Variants in CARHSP1 observed in about 807,000 individuals in gnomAD.
CARHSP1 encodes the protein calcium-regulated heat-stable protein 1.
A neutral mutation model predicts 12.5 loss-of-function variants in CARHSP1; 14 were observed. That is an observed-to-expected ratio of 1.12 (90% CI 0.74 to 1.75). CARHSP1 has a LOEUF of 1.75. Among genes scored for constraint, CARHSP1 ranks in the 40% most tolerant of loss-of-function variants. The pLI is 0.00. For missense variants in CARHSP1, 343 were observed against 201.6 expected (o/e 1.70, Z -4.25); for synonymous variants, 161 against 82.0 (o/e 1.96, Z -5.20).
chr16:8,862,006 T>TTTTTTTTTG (rs1278190768), intron 1 of CARHSP1, among the ~76,000 whole-genome samples: 5 of 142,186 alleles, frequency 3.5e-5, no homozygotes, highest in Non-Finnish European at 7.7e-5. Flanking sequence ...TTTTTTTTTT[T>TTTTTTTTTG]TTTTTTTTTT....
intron 1 of CARHSP1, among the ~76,000 whole-genome samples, chr16:8,866,271 C>T (rs577948481): frequency 2.2e-4 from 33 of 152,320 alleles, no homozygotes; most frequent in African/African-American, 7.2e-4. Flanking sequence ...TTCTAAGGCG[C>T]TCCCAGTGAG....
In CARHSP1 at chr16:8,858,482, A is replaced by G. The variant is rs202178030; in HGVS notation, c.159-10T>C. 2.7e-3 allele frequency: 4,349 copies of G among 1,612,882 alleles called. 9 individuals are homozygous for G. Among genetic ancestry groups the G allele is most frequent in the Non-Finnish European group, 3.5e-3 (4,083 of 1,179,820 alleles). Reference sequence around the variant, plus strand: ...TGAAGCCCGCACCGTCCTGACAGAGAGGGGGAAATGTCAGGGGCCCCATCA... The same window carrying G: ...TGAAGCCCGCACCGTCCTGACAGAGGGGGGGAAATGTCAGGGGCCCCATCA... On this transcript the variant is annotated splice_polypyrimidine_tract_variant and intron_variant, in intron 2 of 3. Transcript: ENST00000311052.
At chr16:8,855,435 GACCA>G in intron 3 of CARHSP1, 109 bp from the exon 4 acceptor site, 2 of 982,220 alleles carry the variant, frequency 2.0e-6, no homozygotes, top group Non-Finnish European at 2.8e-6. Flanking sequence ...GGCACCATCT[GACCA>G]ACCACCGGGA....
rs150811074 is a variant in CARHSP1 at position 8,866,397 on chromosome 16, G to C, written c.-8+2569C>G. 517 of 976,556 alleles carry C rather than the reference G, an allele frequency of 5.3e-4. 5 individuals carry two copies. The African/African-American group carries it at 6.1e-3, about 12-fold the overall frequency. 60.5% of individuals were successfully genotyped at this position (976,556 alleles called of 1,614,324 possible). On this transcript the variant is annotated intron_variant, in intron 1 of 3. Transcript: ENST00000311052. Reference sequence around the variant, plus strand: ...GGAAATGGCGCAGGGATCGGGGTGAGACTCTAGCAGAGTAGCGAAGTTACC... The same window carrying C: ...GGAAATGGCGCAGGGATCGGGGTGACACTCTAGCAGAGTAGCGAAGTTACC...
At chr16:8,856,458 C>T (rs2061112272) in intron 3 of CARHSP1, among the ~76,000 whole-genome samples, 3 of 152,168 alleles carry the variant, frequency 2.0e-5, no homozygotes, top group Admixed American at 2.0e-4. Context: ...TTTCCATCTT[C>T]CTAAATATTT....
At chr16:8,855,612 G>C (rs1222867293) in intron 3 of CARHSP1, among the ~76,000 whole-genome samples, 1 of 152,232 alleles carries the variant, frequency 6.6e-6, no homozygotes, top group Non-Finnish European at 1.5e-5. Context: ...ATGGTGACAT[G>C]AAATGTGGGA....
chr16:8,857,879 A>C, intron 3 of CARHSP1: 1 of 151,888 alleles, frequency 6.6e-6, no homozygotes, highest in Non-Finnish European at 1.4e-5. Context: ...CTCCTGCCTC[A>C]GCCTCCCGAG....
In CARHSP1 at chr16:8,862,130, G is replaced by A. The variant is rs568253316; in HGVS notation, c.-7-2795C>T. 3.3e-5 allele frequency among the ~76,000 whole-genome samples: 5 copies of A among 151,042 alleles called. No individual in the cohort carries two copies. The South Asian group carries it at 1.0e-3, about 32-fold the overall frequency. On this transcript the variant is annotated intron_variant, in intron 1 of 3. Transcript: ENST00000311052. ...TGATTCTCCTGCCTCAGCCTCCCAAGTAGCAGGGGTTACAGGTGCCCGCCA... is the reference window on the plus strand; with the variant it reads ...TGATTCTCCTGCCTCAGCCTCCCAAATAGCAGGGGTTACAGGTGCCCGCCA...
chr16:8,862,573 A>G (rs1378195085), intron 1 of CARHSP1, among the ~76,000 whole-genome samples: 1 of 152,202 alleles, frequency 6.6e-6, no homozygotes, highest in East Asian at 1.9e-4. Context: ...TAGGGGGAGA[A>G]GGGTGGGAAT....
chr16:8,864,518 C>T lies in CARHSP1; in HGVS notation c.-8+4448G>A, dbSNP rs552295354. ...CATTTCACTAATGGGAGAACGGAGA[C>T]ACAAAGAGTCAAGTAACTTGCCCAG... On this transcript the variant is annotated intron_variant, in intron 1 of 3. Coordinates refer to ENST00000311052, the MANE Select transcript of CARHSP1 (RefSeq NM_014316.4). Among the ~76,000 whole-genome samples, 2 of 152,346 alleles carry T rather than the reference C, an allele frequency of 1.3e-5. 1 individual carries two copies. Among genetic ancestry groups the T allele is most frequent in the East Asian group, 3.9e-4 (2 of 5,188 alleles).
intron 3 of CARHSP1, among the ~76,000 whole-genome samples, chr16:8,857,261 C>CTGTTTTTTGT (rs1278325573): frequency 4.5e-5 from 2 of 44,306 alleles, no homozygotes; most frequent in African/African-American, 1.0e-4. Context: ...TTGGGCAGAT[C>CTGTTTTTTGT]TGTTTTTTTT....
chr16:8,855,068 C>G lies in CARHSP1; in HGVS notation c.*96G>C. ...GAGAGGGACCATGCCCGGCTGAAGC[C>G]CCGTCTCGTGTGGAAGAATGTCATC... On this transcript the variant is annotated 3_prime_UTR_variant, in exon 4 of 4. Coordinates refer to ENST00000311052, the MANE Select transcript of CARHSP1 (RefSeq NM_014316.4). 1.7e-6 allele frequency: 2 copies of G among 1,178,282 alleles called. No homozygotes were observed. Among genetic ancestry groups the G allele is most frequent in the East Asian group, 2.8e-5 (1 of 35,522 alleles). The allele number at this position is 1,178,282 out of a possible 1,614,324, so 73.0% of individuals were successfully genotyped here. A position where few individuals can be genotyped will look rare whatever the true frequency, so the allele number is the denominator to read the frequency against.
Position 8,855,155 on chromosome 16 carries a change from C to T in CARHSP1, c.*9G>A, listed in dbSNP as rs1419411559. On this transcript the variant is annotated 3_prime_UTR_variant, in exon 4 of 4. Transcript: ENST00000311052. The stretch of plus-strand genomic sequence containing the variant: ...ACAAGCACAGGACAAGGGGTGCTTC[C>T]ACCATCTCCTAGGAGCTGATGACAT... 3.8e-6 allele frequency: 6 copies of T among 1,569,876 alleles called. No homozygotes were observed. In the East Asian group the frequency reaches 7.0e-5, roughly 18 times the overall value.
chr16:8,863,633 G>A (rs10163323), intron 1 of CARHSP1, among the ~76,000 whole-genome samples: 21,919 of 152,186 alleles, frequency 0.14, 1,598 homozygotes, highest in East Asian at 0.2. Flanking sequence ...GGCCCATCTG[G>A]GCTGAAGCCA....
chr16:8,860,399 T>G (rs1029120220), intron 1 of CARHSP1: 10 of 985,412 alleles, frequency 1.0e-5, no homozygotes, highest in Non-Finnish European at 1.2e-5. Flanking sequence ...CTGCTGTGCT[T>G]TTGACAATTT....
chr16:8,855,118 G>GCT lies in CARHSP1; in HGVS notation c.*45_*46insAG. ...CTCCAGTGTCTGCTGCCTCCTCCCT[G>GCT]CAAAGTCTCCCACAAGCACAGGACA... On this transcript the variant is annotated 3_prime_UTR_variant, in exon 4 of 4. Transcript: ENST00000311052. The GCT allele has an allele frequency of 7.1e-7, 1 of 1,408,772 alleles. No homozygotes were observed. The highest frequency in any genetic ancestry group is 9.4e-7 in the Non-Finnish European group (1 of 1,062,182). The allele number at this position is 1,408,772 out of a possible 1,614,324, so 87.3% of individuals were successfully genotyped here. A position where few individuals can be genotyped will look rare whatever the true frequency, so the allele number is the denominator to read the frequency against.
chr16:8,864,118 CAT>C (rs1301827080), intron 1 of CARHSP1, among the ~76,000 whole-genome samples: 2 of 152,238 alleles, frequency 1.3e-5, no homozygotes, highest in East Asian at 1.9e-4. Context: ...GCTGCATGTA[CAT>C]GTGTGCTCGT....
chr16:8,859,596 C>T (rs2061278787), intron 1 of CARHSP1, among the ~76,000 whole-genome samples: 1 of 151,860 alleles, frequency 6.6e-6, no homozygotes, highest in Admixed American at 6.6e-5. Context: ...GCATCGGTCC[C>T]CTCTGTGTCC....
At chr16:8,866,099 G>T (rs140775856) in intron 1 of CARHSP1, among the ~76,000 whole-genome samples, 3,964 of 152,186 alleles carry the variant, frequency 0.026, 91 homozygotes, top group East Asian at 0.11. Flanking sequence ...GACTACAGGC[G>T]TGTGCTACCA....
Sources: gnomAD v4.1 joint callset for allele counts (sites outside exome capture counted in the v4.1 genomes callset) on GRCh38, gnomAD v4.1.1 for gene constraint, MANE v1.5 for transcripts, NCBI Gene and HGNC (gene_info 2026-07-23, HGNC 2026-07-21) for gene names.